The following NAV2 variants were observed in gnomAD, a reference collection of about 807,000 sequenced individuals.
NAV2 encodes the protein helicase, APC down-regulated 1.
NAV2 carries 54 observed loss-of-function variants against 223.2 expected under a neutral mutation model. That is an observed-to-expected ratio of 0.24 (90% CI 0.19 to 0.30). The LOEUF (loss-of-function observed/expected upper bound fraction) is 0.30, where lower values mean the gene tolerates loss of function less well. NAV2 is among the 10% of genes least tolerant of loss of function. NAV2 has a pLI of 1.00. For missense variants in NAV2, 2,806 were observed against 3,147.5 expected (o/e 0.89, Z 2.60); for synonymous variants, 1,279 against 1,239.3 (o/e 1.03, Z -0.67).
intron 1 of NAV2, among the ~76,000 whole-genome samples, chr11:19,546,054 G>A (rs2044490218): frequency 6.6e-6 from 1 of 152,160 alleles, no homozygotes; most frequent in African/African-American, 2.4e-5. Flanking sequence ...TCCCTCAGAT[G>A]CTTCCAGGGA....
intron 6 of NAV2, among the ~76,000 whole-genome samples, chr11:19,907,398 T>C (rs1302930271): frequency 6.6e-6 from 1 of 152,218 alleles, no homozygotes; most frequent in African/African-American, 2.4e-5. Context: ...TGACCTTCAC[T>C]GAAAGGACGA....
intron 10 of NAV2, among the ~76,000 whole-genome samples, chr11:19,951,360 G>T (rs1288428995): frequency 4.6e-5 from 7 of 152,132 alleles, no homozygotes; most frequent in Admixed American, 4.6e-4. Context: ...GAAATTAAAT[G>T]ACCTGGTCAA....
intron 1 of NAV2, among the ~76,000 whole-genome samples, chr11:19,827,949 C>CAAGTCTCTACCAAGGGGA (rs1333675613): frequency 1.4e-5 from 2 of 143,338 alleles, no homozygotes; most frequent in Non-Finnish European, 3.1e-5. Context: ...AGCGGAATCC[C>CAAGTCTCTACCAAGGGGA]GTCTCTACCA....
chr11:19,632,790 C>G (rs1292576570), intron 1 of NAV2, among the ~76,000 whole-genome samples: 11 of 152,246 alleles, frequency 7.2e-5, no homozygotes. Flanking sequence ...TTCATGACTT[C>G]TACATGCTCC....
chr11:19,818,915 A>G (rs749021562), intron 1 of NAV2, among the ~76,000 whole-genome samples: 18 of 152,152 alleles, frequency 1.2e-4, no homozygotes, highest in Non-Finnish European at 2.4e-4. Context: ...CCATCTGTCT[A>G]TTTGTGCATC....
rs565799485 is a variant in NAV2, at chr11:19,420,817, C to T, written c.75+69790C>T. Reference sequence around the variant, plus strand: ...GATGTTTTATTTCTTTTTCTGGGTGCAGTTCAGTATTTGAAAATTCATTGA... The same window carrying T: ...GATGTTTTATTTCTTTTTCTGGGTGTAGTTCAGTATTTGAAAATTCATTGA... On this transcript the variant is annotated intron_variant, in intron 1 of 37. Coordinates refer to the NAV2 transcript ENST00000360655. 3.8e-4 allele frequency among the ~76,000 whole-genome samples: 58 copies of T among 152,304 alleles called. 1 individual carries two copies. The South Asian group carries it at 0.012, about 31-fold the overall frequency.
chr11:19,461,766 A>G (rs1852170176), intron 1 of NAV2, among the ~76,000 whole-genome samples: 1 of 152,258 alleles, frequency 6.6e-6, no homozygotes, highest in Admixed American at 6.5e-5. Flanking sequence ...CGAGTATCAG[A>G]GAGTATTTTG....
At chr11:19,640,985 C>T (rs900471307) in intron 1 of NAV2, among the ~76,000 whole-genome samples, 1 of 152,148 alleles carries the variant, frequency 6.6e-6, no homozygotes, top group Non-Finnish European at 1.5e-5. Flanking sequence ...GGTTTTCCTC[C>T]TAACCTCTAG....
At chr11:19,926,663 A>C (rs1210062652) in intron 6 of NAV2, among the ~76,000 whole-genome samples, 1 of 152,054 alleles carries the variant, frequency 6.6e-6, no homozygotes, top group Non-Finnish European at 1.5e-5. Flanking sequence ...AACAAAAAAA[A>C]CTAGTTTCAA....
chr11:19,798,120 A>T (rs2058037162), intron 1 of NAV2, among the ~76,000 whole-genome samples: 1 of 152,156 alleles, frequency 6.6e-6, no homozygotes, highest in Non-Finnish European at 1.5e-5. Flanking sequence ...CAGTGAGCCA[A>T]CCCAGATCAC....
intron 1 of NAV2, among the ~76,000 whole-genome samples, chr11:19,656,829 G>C (rs1261943438): frequency 6.6e-6 from 1 of 152,186 alleles, no homozygotes; most frequent in Non-Finnish European, 1.5e-5. Context: ...GTCGGATTCA[G>C]GATATATTTT....
chr11:19,409,423 T>C (rs1215930768), intron 1 of NAV2, among the ~76,000 whole-genome samples: 1 of 152,188 alleles, frequency 6.6e-6, no homozygotes, highest in African/African-American at 2.4e-5. Flanking sequence ...TCAGCCTTGC[T>C]CTTGGGTGGT....
intron 1 of NAV2, among the ~76,000 whole-genome samples, chr11:19,397,488 T>A (rs1194617915): frequency 6.6e-6 from 1 of 151,920 alleles, no homozygotes; most frequent in Non-Finnish European, 1.5e-5. Flanking sequence ...ACACCTCCTG[T>A]AGCTTATCAA....
chr11:19,744,178 A>T (rs1426863391), intron 1 of NAV2, among the ~76,000 whole-genome samples: 5 of 152,232 alleles, frequency 3.3e-5, no homozygotes, highest in African/African-American at 1.2e-4. Context: ...TTTTAAACCC[A>T]TACTTCTGCC....
intron 1 of NAV2, among the ~76,000 whole-genome samples, chr11:19,528,814 C>T (rs2043929862): frequency 6.6e-6 from 1 of 151,786 alleles, no homozygotes; most frequent in Non-Finnish European, 1.5e-5. Context: ...CTTGTAGTCC[C>T]AGCTACTCGG....
chr11:20,047,917 C>G (rs982500445), intron 14 of NAV2, among the ~76,000 whole-genome samples: 24 of 152,202 alleles, frequency 1.6e-4, no homozygotes, highest in African/African-American at 5.5e-4. Context: ...AATTCTCTGA[C>G]TTAAAGATAA....
chr11:20,080,282 G>C, intron 25 of NAV2, 73 bp downstream of exon 25: 2 of 1,429,116 alleles, frequency 1.4e-6, no homozygotes, highest in Non-Finnish European at 1.9e-6. Context: ...CATCTCCCCA[G>C]ATAAAGTCCA....
chr11:20,084,450 G>A (rs919241101), intron 26 of NAV2, among the ~76,000 whole-genome samples: 81 of 152,172 alleles, frequency 5.3e-4, no homozygotes, highest in African/African-American at 2.0e-3. Context: ...GGCCCTGTCA[G>A]GGTCTCTACT....
At position 19,582,602 on chromosome 11, in the gene NAV2, G is replaced by A. The variant is rs527621530; in HGVS notation, c.75+231575G>A. 3.9e-5 allele frequency among the ~76,000 whole-genome samples: 6 copies of A among 152,216 alleles called. No individual in the cohort carries two copies. The South Asian group carries it at 1.2e-3, about 32-fold the overall frequency. On this transcript the variant is annotated intron_variant, in intron 1 of 37. Transcript: ENST00000360655. Reference sequence around the variant, plus strand: ...TGCATATGGCTAGCCAGTTTTCCCAGCACCATTTATTAAATAGGGAATCCT... The same window carrying A: ...TGCATATGGCTAGCCAGTTTTCCCAACACCATTTATTAAATAGGGAATCCT...
Sources: allele counts gnomAD v4.1 joint callset (sites outside exome capture counted in the v4.1 genomes callset), GRCh38; gene constraint gnomAD v4.1.1; transcripts MANE v1.5; gene names NCBI Gene and HGNC (gene_info 2026-07-23, HGNC 2026-07-21).